CHSY3: variants seen among roughly 807,000 people sequenced by gnomAD.
CHSY3 encodes chondroitin sulfate synthase 3.
Under a neutral mutation model 67.2 loss-of-function variants are expected in CHSY3, and 35 were observed. That is an observed-to-expected ratio of 0.52 (90% CI 0.40 to 0.69). The LOEUF is 0.69. Among genes scored for constraint, CHSY3 ranks in the 30% least tolerant of loss-of-function variants. CHSY3 has a pLI of 0.00. For synonymous variants in CHSY3, 474 were observed against 434.7 expected (o/e 1.09, Z -1.12); for missense variants, 1,069 against 1,138.5 (o/e 0.94, Z 0.88).
At chr5:130,136,371 G>C (rs149046688) in intron 2 of CHSY3, among the ~76,000 whole-genome samples, 1 of 152,148 alleles carries the variant, frequency 6.6e-6, no homozygotes, top group Non-Finnish European at 1.5e-5. Context: ...TGGTTGCAAA[G>C]AAACCTAAGG....
At chr5:130,110,633 G>GT (rs550198399) in intron 2 of CHSY3, among the ~76,000 whole-genome samples, 2 of 151,374 alleles carry the variant, frequency 1.3e-5, no homozygotes, top group Non-Finnish European at 3.0e-5. Context: ...TTACATGCAG[G>GT]TTTTTTTTCT....
intron 2 of CHSY3, among the ~76,000 whole-genome samples, chr5:130,124,812 A>G (rs1241153914): frequency 1.3e-5 from 2 of 152,152 alleles, no homozygotes; most frequent in Non-Finnish European, 2.9e-5. Context: ...GTAAAATTGC[A>G]TGTTTTGCAC....
At chr5:129,921,019 C>A (rs531729990) in intron 2 of CHSY3, among the ~76,000 whole-genome samples, 1 of 152,072 alleles carries the variant, frequency 6.6e-6, no homozygotes, top group Non-Finnish European at 1.5e-5. Flanking sequence ...GTGGTTTTGC[C>A]ACGTTATCCA....
intron 2 of CHSY3, among the ~76,000 whole-genome samples, chr5:129,938,370 A>G (rs751663157): frequency 8.5e-5 from 13 of 152,194 alleles, no homozygotes; most frequent in Non-Finnish European, 1.6e-4. Context: ...CATTCAGTTC[A>G]TGTTTACTTA....
chr5:130,016,965 T>C (rs1205659692), intron 2 of CHSY3, among the ~76,000 whole-genome samples: 1 of 152,100 alleles, frequency 6.6e-6, no homozygotes, highest in Admixed American at 6.5e-5. Flanking sequence ...GATAGGGGTA[T>C]GGTATAGGTA....
At chr5:129,990,102 TATC>T (rs1250186767) in intron 2 of CHSY3, among the ~76,000 whole-genome samples, 1 of 152,162 alleles carries the variant, frequency 6.6e-6, no homozygotes, top group East Asian at 1.9e-4. Context: ...TCAGTTAACA[TATC>T]ATGGATATAC....
At chr5:129,956,416 T>G (rs1175482517) in intron 2 of CHSY3, among the ~76,000 whole-genome samples, 1 of 152,156 alleles carries the variant, frequency 6.6e-6, no homozygotes, top group Non-Finnish European at 1.5e-5. Context: ...GGTTTTTCTC[T>G]TATAAATTTG....
chr5:129,925,982 T>A (rs1761096442), intron 2 of CHSY3, among the ~76,000 whole-genome samples: 1 of 152,120 alleles, frequency 6.6e-6, no homozygotes, highest in South Asian at 2.1e-4. Context: ...TCTTTATTAT[T>A]AAATGGCCAG....
Position 129,924,539 on chromosome 5 carries a change from G to A in CHSY3, c.1086+16179G>A, listed in dbSNP as rs1214652438. On this transcript the variant is annotated intron_variant, in intron 2 of 2. Coordinates refer to ENST00000305031, the MANE Select transcript of CHSY3 (RefSeq NM_175856.5). ...CATGTGCCTGTAGTCCCAGCTGCTC[G>A]GGAGGCTGAAGCACAAGAATTGCTT... Among the ~76,000 whole-genome samples, 4 of 151,496 alleles carry A rather than the reference G, an allele frequency of 2.6e-5. No individual in the cohort carries two copies. In the East Asian group the frequency reaches 7.8e-4, roughly 30 times the overall value.
At chr5:129,967,328 T>C (rs1762495584) in intron 2 of CHSY3, among the ~76,000 whole-genome samples, 1 of 151,858 alleles carries the variant, frequency 6.6e-6, no homozygotes, top group Admixed American at 6.6e-5. Flanking sequence ...CAAATGATTA[T>C]ACTTGATGAA....
intron 2 of CHSY3, among the ~76,000 whole-genome samples, chr5:130,053,944 G>A (rs114401955): frequency 0.022 from 3,277 of 152,158 alleles, 111 homozygotes; most frequent in African/African-American, 0.072. Context: ...CATTTTCCCA[G>A]CATTCATTAG....
At chr5:130,130,175 G>A (rs752322361) in intron 2 of CHSY3, among the ~76,000 whole-genome samples, 1 of 152,016 alleles carries the variant, frequency 6.6e-6, no homozygotes. Flanking sequence ...ATTTTTAAAG[G>A]TACTACTGCC....
At chr5:130,071,906 G>A (rs1337757271) in intron 2 of CHSY3, among the ~76,000 whole-genome samples, 2 of 151,966 alleles carry the variant, frequency 1.3e-5, no homozygotes, top group Non-Finnish European at 2.9e-5. Context: ...GGTGTGAGAG[G>A]ATATCTCATT....
In CHSY3 at chr5:129,954,623, G is replaced by C. The variant is rs7732906; in HGVS notation, c.1086+46263G>C. Among the ~76,000 whole-genome samples, 318 of 152,160 alleles carry C rather than the reference G, an allele frequency of 2.1e-3. 1 individual carries two copies. Among genetic ancestry groups the C allele is most frequent in the African/African-American group, 7.4e-3 (307 of 41,540 alleles). ...TTCTTCCTATCCATGAGCATGGAGTGTTTTTCCATTTGTTTGTGTCCTCTC... is the reference window on the plus strand; with the variant it reads ...TTCTTCCTATCCATGAGCATGGAGTCTTTTTCCATTTGTTTGTGTCCTCTC... On this transcript the variant is annotated intron_variant, in intron 2 of 2. Transcript: ENST00000305031.
chr5:130,185,774 A>G lies in CHSY3; in HGVS notation c.2632A>G (p.Asn878Asp), dbSNP rs774062228. ...TGAAAAACATTTAGGTGTCAGGTAC[A>G]ATCGAACTCTCTCCTGACAGTCCAG... ...WLEKHLGVRY[N>D]RTLS Residue 878 changes from asparagine (N) to aspartate (D), a missense_variant, in exon 3 of 3, where the codon AAT becomes GAT. Coordinates refer to ENST00000305031, the MANE Select transcript of CHSY3 (RefSeq NM_175856.5). 1.9e-6 allele frequency: 3 copies of G among 1,599,198 alleles called. No individual in the cohort carries two copies. Among genetic ancestry groups the G allele is most frequent in the Non-Finnish European group, 2.6e-6 (3 of 1,170,692 alleles).
intron 2 of CHSY3, among the ~76,000 whole-genome samples, chr5:130,178,717 G>C (rs756866972): frequency 3.3e-5 from 5 of 152,142 alleles, no homozygotes; most frequent in Non-Finnish European, 7.4e-5. Context: ...AAAATCTGAT[G>C]AGAAACGTTG....
At position 130,185,372 on chromosome 5, in the gene CHSY3, C is replaced by T; in HGVS notation, c.2230C>T (p.Pro744Ser). 6.2e-7 allele frequency: 1 copy of T among 1,606,118 alleles called. No individual in the cohort carries two copies. Residue 744 changes from proline (P) to serine (S), a missense_variant, in exon 3 of 3, where the codon CCC becomes TCC. By Grantham distance (74) the Pro-to-Ser change is moderately conservative. This residue lies in a region of CHSY3 where 4 missense variants were observed against 16.5 expected (regional missense o/e 0.24). Coordinates refer to ENST00000305031, the MANE Select transcript of CHSY3 (RefSeq NM_175856.5). ...AATTCAGGGACAACAGGTGTACTAT[C>T]CCATCATCTTTAGCCAGTATGACCC... ...NTIQGQQVYYPIIFSQYDPKV... is the reference protein window; with the variant it reads ...NTIQGQQVYYSIIFSQYDPKV...
chr5:130,000,549 G>C (rs1224649132), intron 2 of CHSY3, among the ~76,000 whole-genome samples: 2 of 151,110 alleles, frequency 1.3e-5, no homozygotes, highest in Non-Finnish European at 2.9e-5. Context: ...TTATTTTACA[G>C]ACTGTAGTAG....
At chr5:130,076,989 C>T (rs1361721293) in intron 2 of CHSY3, among the ~76,000 whole-genome samples, 1 of 151,270 alleles carries the variant, frequency 6.6e-6, no homozygotes, top group Non-Finnish European at 1.5e-5. Context: ...GGAGATATAC[C>T]TAATGCTAAA....
Sources: allele counts gnomAD v4.1 joint callset (sites outside exome capture counted in the v4.1 genomes callset), GRCh38; gene constraint gnomAD v4.1.1; regional missense constraint gnomAD v4.1.1; transcripts MANE v1.5; gene names NCBI Gene and HGNC (gene_info 2026-07-23, HGNC 2026-07-21).